The following SPEF2 variants were observed in gnomAD, a reference collection of about 807,000 sequenced individuals.
The protein encoded by SPEF2 is sperm flagella and cilia-associated protein 2.
A neutral mutation model predicts 224.6 loss-of-function variants in SPEF2; 187 were observed. The ratio of observed to expected loss-of-function variants is 0.83; its 90% CI spans 0.74 to 0.94. The LOEUF (loss-of-function observed/expected upper bound fraction) is 0.94. Ranked by LOEUF, SPEF2 falls within the 40% of genes least tolerant of loss-of-function variation. The pLI, the probability that SPEF2 is intolerant of heterozygous loss-of-function variation, is 0.00. For synonymous variants in SPEF2, 715 were observed against 707.3 expected (o/e 1.01, Z -0.17); for missense variants, 2,170 against 2,135.6 (o/e 1.02, Z -0.32).
intron 15 of SPEF2, chr5:35,698,530 A>G (rs1328230059): frequency 2.0e-5 from 3 of 152,334 alleles, no homozygotes; most frequent in South Asian, 4.1e-4. Context: ...AAAAATGTAT[A>G]TGAAAAGCAT....
At chr5:35,702,331 A>C (rs750889641) in intron 16 of SPEF2, 4 of 456,088 alleles carry the variant, frequency 8.8e-6, no homozygotes, top group South Asian at 4.6e-5. Context: ...TAAATGATCC[A>C]GACTCAAAGC....
chr5:35,635,058 C>G (rs1020466909), intron 2 of SPEF2, among the ~76,000 whole-genome samples: 1 of 151,890 alleles, frequency 6.6e-6, no homozygotes, highest in Non-Finnish European at 1.5e-5. Flanking sequence ...TGGAATTTCT[C>G]TGATGTTTTT....
At chr5:35,639,725 G>A (rs898528133) in intron 2 of SPEF2, among the ~76,000 whole-genome samples, 2 of 150,990 alleles carry the variant, frequency 1.3e-5, no homozygotes, top group Non-Finnish European at 2.9e-5. Context: ...CTACTTACCT[G>A]TAAGAAGAGG....
At chr5:35,810,274 T>G (rs1210911866) in intron 36 of SPEF2, among the ~76,000 whole-genome samples, 1 of 152,106 alleles carries the variant, frequency 6.6e-6, no homozygotes, top group African/African-American at 2.4e-5. Flanking sequence ...TGCAGTGGCA[T>G]GATCTGGGCT....
At chr5:35,785,978 G>A (rs1434139001) in intron 30 of SPEF2, among the ~76,000 whole-genome samples, 5 of 151,958 alleles carry the variant, frequency 3.3e-5, no homozygotes, top group African/African-American at 9.7e-5. Context: ...TAACCCTCAC[G>A]CTGACTCACA....
In SPEF2 at chr5:35,676,275, C is replaced by T. The variant is rs1005835896; in HGVS notation, c.1524+6048C>T. Among the ~76,000 whole-genome samples the T allele has an allele frequency of 3.4e-4, 51 of 151,302 alleles. 1 individual carries two copies. Among genetic ancestry groups the T allele is most frequent in the Middle Eastern group, 6.8e-3 (2 of 294 alleles). Reference sequence around the variant, plus strand: ...TGAGACCAGGGAAAGAGATGGTGGTCAGGGCTTTTCTGGGCTTTCTACTAC... The same window carrying T: ...TGAGACCAGGGAAAGAGATGGTGGTTAGGGCTTTTCTGGGCTTTCTACTAC... On this transcript the variant is annotated intron_variant, in intron 10 of 36. Transcript: ENST00000356031.
At chr5:35,799,439 G>C (rs1455005916) in intron 33 of SPEF2, among the ~76,000 whole-genome samples, 2 of 152,212 alleles carry the variant, frequency 1.3e-5, no homozygotes, top group African/African-American at 4.8e-5. Flanking sequence ...TATGCTCTCT[G>C]CCTGGATGTG....
At position 35,779,248 on chromosome 5, in the gene SPEF2, C is replaced by A. The variant is rs755950077; in HGVS notation, c.4349C>A (p.Ser1450Ter). ...AAAGTCTTCCCAGATCCTCCCCCATCAATACGTCCTCCACCTGTAGAAAAG... is the reference window on the plus strand; with the variant it reads ...AAAGTCTTCCCAGATCCTCCCCCATAAATACGTCCTCCACCTGTAGAAAAG... ...NIKVFPDPPP[S>*]IRPPPVEKEE... Residue 1450 changes from serine (S) to a stop codon, truncating the protein, a stop_gained, in exon 30 of 37, where the codon TCA becomes TAA. Coordinates refer to ENST00000356031, the MANE Select transcript of SPEF2 (RefSeq NM_024867.4). LOFTEE classifies it high-confidence loss of function. 14 of 1,613,946 alleles carry A rather than the reference C, an allele frequency of 8.7e-6. No homozygotes were observed. In the Admixed American group the frequency reaches 2.3e-4, roughly 27 times the overall value.
At chr5:35,644,968 AGGTAATTCT>A (rs1747149001) in intron 4 of SPEF2, among the ~76,000 whole-genome samples, 1 of 152,178 alleles carries the variant, frequency 6.6e-6, no homozygotes, top group Admixed American at 6.5e-5. Flanking sequence ...TGGAGATGTG[AGGTAATTCT>A]TTGCTTGCTT....
At chr5:35,698,902 G>T (rs953208429) in intron 15 of SPEF2, 1 of 152,122 alleles carries the variant, frequency 6.6e-6, no homozygotes, top group Admixed American at 6.6e-5. Context: ...GTGGGTGGAC[G>T]AAGGAACTCA....
At chr5:35,710,554 C>A in intron 19 of SPEF2, 1 of 983,440 alleles carries the variant, frequency 1.0e-6, no homozygotes, top group Non-Finnish European at 1.2e-6. Flanking sequence ...GAAACTCTAC[C>A]TCCAAAAAAA....
At chr5:35,796,346 G>A (rs372225966) in intron 33 of SPEF2, among the ~76,000 whole-genome samples, 1 of 152,114 alleles carries the variant, frequency 6.6e-6, no homozygotes, top group Non-Finnish European at 1.5e-5. Flanking sequence ...GGTGGCTCAC[G>A]CCTGTAATCC....
chr5:35,768,152 A>G (rs894491996), intron 26 of SPEF2, among the ~76,000 whole-genome samples: 2 of 152,138 alleles, frequency 1.3e-5, no homozygotes, highest in African/African-American at 2.4e-5. Context: ...CACATCAAAC[A>G]TAATATAATA....
At chr5:35,627,939 A>G (rs1284784786) in intron 1 of SPEF2, among the ~76,000 whole-genome samples, 1 of 152,168 alleles carries the variant, frequency 6.6e-6, no homozygotes, top group Non-Finnish European at 1.5e-5. Context: ...CTGAACCATG[A>G]AGGAGAAGTT....
chr5:35,770,672 G>A (rs1752708546), intron 26 of SPEF2, among the ~76,000 whole-genome samples: 1 of 152,156 alleles, frequency 6.6e-6, no homozygotes, highest in South Asian at 2.1e-4. Flanking sequence ...CGTCTGTGTT[G>A]TCATGGGACA....
At chr5:35,727,124 A>G (rs1397437401) in intron 20 of SPEF2, among the ~76,000 whole-genome samples, 2 of 151,970 alleles carry the variant, frequency 1.3e-5, no homozygotes, top group Non-Finnish European at 1.5e-5. Context: ...AAGAAATATA[A>G]TTTCCCCACA....
chr5:35,689,312 C>T (rs1754101540), intron 10 of SPEF2, among the ~76,000 whole-genome samples: 1 of 152,064 alleles, frequency 6.6e-6, no homozygotes, highest in South Asian at 2.1e-4. Context: ...TCTTTTTCTT[C>T]CCGCTTCCTG....
intron 2 of SPEF2, among the ~76,000 whole-genome samples, chr5:35,634,250 T>C (rs1039591219): frequency 6.6e-6 from 1 of 152,074 alleles, no homozygotes; most frequent in Non-Finnish European, 1.5e-5. Flanking sequence ...CCTTCAGTTT[T>C]GATACATATT....
In SPEF2 at chr5:35,753,711, T is replaced by C; in HGVS notation, c.3418T>C (p.Leu1140=). Residue 1140 remains leucine (L), a synonymous_variant, in exon 24 of 37, where the codon TTA becomes CTA. Transcript: ENST00000356031. ...ERLDIINESW[L]QDTLGMTMNH... ...GCTTGACATCATTAATGAGAGCTGG[T>C]TACAGGACACTCTTGGAATGACAAT... 1 of 1,614,070 alleles carries C rather than the reference T, an allele frequency of 6.2e-7. No homozygotes were observed. Among genetic ancestry groups the C allele is most frequent in the Non-Finnish European group, 8.5e-7 (1 of 1,179,986 alleles).
Sources: allele counts gnomAD v4.1 joint callset (sites outside exome capture counted in the v4.1 genomes callset), GRCh38; gene constraint gnomAD v4.1.1; transcripts MANE v1.5; gene names NCBI Gene and HGNC (gene_info 2026-07-23, HGNC 2026-07-21).